HOXD1: variants seen among roughly 807,000 people sequenced by gnomAD.
The protein encoded by HOXD1 is homeobox D1, also known as homeobox protein Hox-D1.
Under a neutral mutation model 19.9 loss-of-function variants are expected in HOXD1, and 17 were observed. That is an observed-to-expected ratio of 0.85 (90% CI 0.58 to 1.28). HOXD1 has a LOEUF of 1.28. HOXD1 is among the 50% of genes most tolerant of loss of function. The pLI is 0.00. For synonymous variants in HOXD1, 239 were observed against 216.0 expected, an observed-to-expected ratio of 1.11 and a Z score of -0.93; for missense variants, 500 against 460.1, an observed-to-expected ratio of 1.09 and a Z score of -0.79.
At position 176,188,723 on chromosome 2, in the gene HOXD1, G is replaced by T; in HGVS notation, c.-79G>T. 4 of 1,440,830 alleles carry T rather than the reference G, an allele frequency of 2.8e-6. No homozygotes were observed. Among genetic ancestry groups the T allele is most frequent in the Non-Finnish European group, 3.8e-6 (4 of 1,046,608 alleles). 89.3% of individuals were successfully genotyped at this position (1,440,830 alleles called of 1,614,324 possible). A position where few individuals can be genotyped will look rare whatever the true frequency, so the allele number is the denominator to read the frequency against. On this transcript the variant is annotated 5_prime_UTR_variant, in exon 1 of 2. Transcript: ENST00000331462. ...AGAGGGCTGGCGGAGCGGCGCAGAC[G>T]GCGGCAGTCCTGCTCAGCCTCTGCC...
rs760260197 is a variant in HOXD1 at position 176,189,136 on chromosome 2, G to C, written c.335G>C (p.Gly112Ala). 3 of 1,576,710 alleles carry C rather than the reference G, an allele frequency of 1.9e-6. No individual in the cohort carries two copies. Among genetic ancestry groups the C allele is most frequent in the East Asian group, 2.3e-5 (1 of 43,872 alleles). The change falls in exon 1 of 2, where the codon GGG becomes GCG. Residue 112 changes from glycine (G) to alanine (A), a missense_variant. Gly to Ala is a moderately conservative substitution (Grantham distance 60). Coordinates refer to ENST00000331462, the MANE Select transcript of HOXD1 (RefSeq NM_024501.3). ...GCGGACTACGGCTTCCTGGGGTCCG[G>C]GCCGGCGTACGACTTCCCGGGCGTG... The part of the protein sequence containing the change: ...GGADYGFLGS[G>A]PAYDFPGVLG...
Position 176,189,037 on chromosome 2 carries a change from C to T in HOXD1, c.236C>T (p.Ala79Val), listed in dbSNP as rs1391080202. The change falls in exon 1 of 2, where the codon GCG (alanine) becomes GTG (valine). Residue 79 changes from alanine to valine, a missense_variant. Coordinates refer to ENST00000331462, the MANE Select transcript of HOXD1 (RefSeq NM_024501.3). ...CGGCCGTCCGTACCGCCTCCGGCCG[C>T]GCCCCAGTACGCGCAGTGCACCCTG... ...PARPSVPPPA[A>V]PQYAQCTLEG... The T allele has an allele frequency of 9.9e-6, 14 of 1,413,178 alleles. No homozygotes were observed. The highest frequency in any genetic ancestry group is 4.6e-5 in the African/African-American group (3 of 65,848). The allele number at this position is 1,413,178 out of a possible 1,614,324, so 87.5% of individuals were successfully genotyped here.
At position 176,189,895 on chromosome 2, in the gene HOXD1, A is replaced by T. The variant is rs772659745; in HGVS notation, c.740A>T (p.Glu247Val). 6.2e-7 allele frequency: 1 copy of T among 1,614,164 alleles called. No homozygotes were observed. Among genetic ancestry groups the T allele is most frequent in the Non-Finnish European group, 8.5e-7 (1 of 1,180,026 alleles). ...AAGCAACTGACAGAACTGGAAAAAG[A>T]GTTTCATTTCAATAAGTACTTAACT... Reference protein sequence around the residue: ...STKQLTELEKEFHFNKYLTRA... With the variant: ...STKQLTELEKVFHFNKYLTRA... The change falls in exon 2 of 2, where the codon GAG becomes GTG. Residue 247 changes from glutamate to valine, a missense_variant. Glu to Val is a moderately radical substitution (Grantham distance 121). Transcript: ENST00000331462.
chr2:176,189,132 T>G lies in HOXD1; in HGVS notation c.331T>G (p.Ser111Ala). 6 of 1,571,020 alleles carry G rather than the reference T, an allele frequency of 3.8e-6. No homozygotes were observed. The highest frequency in any genetic ancestry group is 5.2e-6 in the Non-Finnish European group (6 of 1,164,262). ...AGGADYGFLG[S>A]GPAYDFPGVL... ...GGGCGCGGACTACGGCTTCCTGGGG[T>G]CCGGGCCGGCGTACGACTTCCCGGG... Residue 111 changes from serine to alanine, a missense_variant, in exon 1 of 2, where the codon TCC (serine) becomes GCC (alanine). Ser to Ala is a moderately conservative substitution (Grantham distance 99). Transcript: ENST00000331462.
rs768277968 is a variant in HOXD1 at position 176,190,552 on chromosome 2, T to C, written c.*410T>C. On this transcript the variant is annotated 3_prime_UTR_variant, in exon 2 of 2. Coordinates refer to ENST00000331462, the MANE Select transcript of HOXD1 (RefSeq NM_024501.3). Reference sequence around the variant, plus strand: ...TTTTAATTTAAAGGACAAGGCTACATATATTCAGCTTTTTGAGATGACCAA... The same window carrying C: ...TTTTAATTTAAAGGACAAGGCTACACATATTCAGCTTTTTGAGATGACCAA... The C allele has an allele frequency of 1.3e-3, 218 of 167,636 alleles. No individual in the cohort carries two copies. The highest frequency in any genetic ancestry group is 2.3e-3 in the Non-Finnish European group (179 of 78,536). The allele number at this position is 167,636 out of a possible 1,614,324, so 10.4% of individuals were successfully genotyped here. A position where few individuals can be genotyped will look rare whatever the true frequency, so the allele number is the denominator to read the frequency against.
rs888059844 is a variant in HOXD1, at chr2:176,190,303, A to G, written c.*161A>G. On this transcript the variant is annotated 3_prime_UTR_variant, in exon 2 of 2. Transcript: ENST00000331462. The stretch of plus-strand genomic sequence containing the variant: ...GTACTTTAGTTGGCTTCCGAGTTCC[A>G]GACTATATGTCCAGATATTAATTGA... 7.6e-5 allele frequency: 46 copies of G among 606,192 alleles called. No individual in the cohort carries two copies. Among genetic ancestry groups the G allele is most frequent in the Admixed American group, 3.3e-4 (11 of 33,422 alleles). 37.6% of individuals were successfully genotyped at this position (606,192 alleles called of 1,614,324 possible).
rs1378383855 is a variant in HOXD1, at chr2:176,188,991, TCGCCCCCGGC to T, written c.199_208del (p.Ala67ArgfsTer139). ...CCTGGCCGCCGCCCGACCCTCGCCT[TCGCCCCCGGC>T]CGCCCCCGCGCGGCCGTCCGTACCG... On this transcript the variant is annotated frameshift_variant, in exon 1 of 2. Coordinates refer to ENST00000331462, the MANE Select transcript of HOXD1 (RefSeq NM_024501.3). LOFTEE classifies it high-confidence loss of function. The T allele has an allele frequency of 6.9e-7, 1 of 1,449,976 alleles. No individual in the cohort carries two copies. The highest frequency in any genetic ancestry group is 1.4e-5 in the South Asian group (1 of 71,224). 89.8% of individuals were successfully genotyped at this position (1,449,976 alleles called of 1,614,324 possible).
Position 176,189,223 on chromosome 2 carries a change from C to T in HOXD1, c.422C>T (p.Ser141Leu), listed in dbSNP as rs1298677886. The change falls in exon 1 of 2, where the codon TCG (serine) becomes TTG (leucine). Residue 141 changes from serine to leucine, a missense_variant. Physicochemically the swap from Ser to Leu is moderately radical, Grantham distance 145. Transcript: ENST00000331462. ...HVHYATSAVF[S>L]GGGSFLLSGQ... Reference sequence around the variant, plus strand: ...CACTACGCCACCTCGGCCGTCTTCTCGGGCGGCGGCTCTTTCCTCCTCAGC... The same window carrying T: ...CACTACGCCACCTCGGCCGTCTTCTTGGGCGGCGGCTCTTTCCTCCTCAGC... The T allele has an allele frequency of 1.5e-5, 24 of 1,589,532 alleles. No homozygotes were observed. Among genetic ancestry groups the T allele is most frequent in the South Asian group, 2.3e-5 (2 of 87,470 alleles).
At position 176,188,776 on chromosome 2, in the gene HOXD1, G is replaced by C; in HGVS notation, c.-26G>C. The C allele has an allele frequency of 6.2e-7, 1 of 1,602,532 alleles. No homozygotes were observed. The highest frequency in any genetic ancestry group is 1.1e-5 in the South Asian group (1 of 89,408). On this transcript the variant is annotated 5_prime_UTR_variant, in exon 1 of 2. Coordinates refer to ENST00000331462, the MANE Select transcript of HOXD1 (RefSeq NM_024501.3). ...GCTCCGTACTCCGGCCCCGGCCTGCGCCCTCAGAAAGGTGGGGCCCGAACC... is the reference window on the plus strand; with the variant it reads ...GCTCCGTACTCCGGCCCCGGCCTGCCCCCTCAGAAAGGTGGGGCCCGAACC...
rs1051585159 is a variant in HOXD1 at position 176,190,823 on chromosome 2, G to T, written c.*681G>T. On this transcript the variant is annotated 3_prime_UTR_variant, in exon 2 of 2. Transcript: ENST00000331462. ...ATACAGTATGTATATTTTTTAAAAAGATTTGCTTGCAATGACCTTATAAGT... is the reference window on the plus strand; with the variant it reads ...ATACAGTATGTATATTTTTTAAAAATATTTGCTTGCAATGACCTTATAAGT... 4 of 152,466 alleles carry T rather than the reference G, an allele frequency of 2.6e-5. No individual in the cohort carries two copies. Among genetic ancestry groups the T allele is most frequent in the African/African-American group, 9.7e-5 (4 of 41,402 alleles). 9.4% of individuals were successfully genotyped at this position (152,466 alleles called of 1,614,324 possible). A position where few individuals can be genotyped will look rare whatever the true frequency, so the allele number is the denominator to read the frequency against.
chr2:176,189,845 C>G lies in HOXD1; in HGVS notation c.690C>G (p.Ser230Arg), dbSNP rs1390988236. The part of the protein sequence containing the change: ...LAEYGAASPS[S>R]AIRTNFSTKQ... ...AGTATGGGGCCGCTAGCCCCTCCAG[C>G]GCGATCCGCACGAATTTCAGCACCA... Residue 230 changes from serine to arginine, a missense_variant, in exon 2 of 2, where the codon AGC becomes AGG. Coordinates refer to ENST00000331462, the MANE Select transcript of HOXD1 (RefSeq NM_024501.3). 6.2e-7 allele frequency: 1 copy of G among 1,614,126 alleles called. No individual in the cohort carries two copies. Among genetic ancestry groups the G allele is most frequent in the Admixed American group, 1.7e-5 (1 of 60,026 alleles).
Position 176,189,286 on chromosome 2 carries a change from CT to C in HOXD1, c.489del (p.Pro164ArgfsTer45). 6.2e-7 allele frequency: 1 copy of C among 1,608,044 alleles called. No individual in the cohort carries two copies. Among genetic ancestry groups the C allele is most frequent in the South Asian group, 1.1e-5 (1 of 90,146 alleles). On this transcript the variant is annotated frameshift_variant, in exon 1 of 2. Coordinates refer to ENST00000331462, the MANE Select transcript of HOXD1 (RefSeq NM_024501.3). LOFTEE classifies it high-confidence loss of function. ...VDYAAFGEPG[P>X]FPACLKASAD... ...TACGCGGCCTTCGGCGAACCCGGCCCTTTTCCGGCTTGTCTCAAAGCGTCAG... is the reference window on the plus strand; with the variant it reads ...TACGCGGCCTTCGGCGAACCCGGCCCTTTCCGGCTTGTCTCAAAGCGTCAG...
chr2:176,189,699 A>G (rs1451974023), intron 1 of HOXD1, 109 bp from the exon 2 acceptor site: 1 of 1,609,788 alleles, frequency 6.2e-7, no homozygotes, highest in Non-Finnish European at 8.5e-7. Context: ...TTCTGTTCCT[A>G]GGGACCCAGG....
At position 176,190,244 on chromosome 2, in the gene HOXD1, C is replaced by G. The variant is rs1167179731; in HGVS notation, c.*102C>G. The G allele has an allele frequency of 1.3e-6, 1 of 746,610 alleles. No individual in the cohort carries two copies. The highest frequency in any genetic ancestry group is 2.6e-5 in the Admixed American group (1 of 39,066). The allele number at this position is 746,610 out of a possible 1,614,324, so 46.2% of individuals were successfully genotyped here. On this transcript the variant is annotated 3_prime_UTR_variant, in exon 2 of 2. Coordinates refer to ENST00000331462, the MANE Select transcript of HOXD1 (RefSeq NM_024501.3). ...TCAGTTTGGGATGGAGGTGGGAGAA[C>G]AAAAATGAATAGGGATTTCACTTGG...
chr2:176,189,538 T>A (rs1056045777), intron 1 of HOXD1, 85 bp downstream of exon 1: 3 of 1,607,000 alleles, frequency 1.9e-6, no homozygotes, highest in Non-Finnish European at 2.5e-6. Flanking sequence ...GTGGTGTCGC[T>A]GCCTTTCCAG....
At position 176,189,143 on chromosome 2, in the gene HOXD1, G is replaced by T; in HGVS notation, c.342G>T (p.Ala114=). 1 of 1,584,846 alleles carries T rather than the reference G, an allele frequency of 6.3e-7. No homozygotes were observed. Residue 114 remains alanine, a synonymous_variant, in exon 1 of 2, where the codon GCG becomes GCT. Transcript: ENST00000331462. ...ACGGCTTCCTGGGGTCCGGGCCGGC[G>T]TACGACTTCCCGGGCGTGCTGGGGC... ...ADYGFLGSGP[A]YDFPGVLGRA... is the part of the protein sequence containing the mutation.
rs1437580125 is a variant in HOXD1 at position 176,188,907 on chromosome 2, G to A, written c.106G>A (p.Ala36Thr). 1.9e-6 allele frequency: 3 copies of A among 1,588,990 alleles called. No individual in the cohort carries two copies. Among genetic ancestry groups the A allele is most frequent in the South Asian group, 1.1e-5 (1 of 88,886 alleles). ...CTGCCGCTCCGACGCCCGGCCCGTG[G>A]CTCTGCAGCCCGCCTTCCCTCTGGG... ...KFCRSDARPV[A>T]LQPAFPLGNG... The change falls in exon 1 of 2, where the codon GCT becomes ACT. Residue 36 changes from alanine (A) to threonine (T), a missense_variant. Ala to Thr is a moderately conservative substitution (Grantham distance 58). Coordinates refer to ENST00000331462, the MANE Select transcript of HOXD1 (RefSeq NM_024501.3).
In HOXD1 at chr2:176,188,846, G is replaced by C. The variant is rs1691722458; in HGVS notation, c.45G>C (p.Gly15=). ...ACGTGTCATGCAGCAGCAGCGGCGG[G>C]GTCGGCGGCGACGTGCTCAGCTTGG... The part of the protein sequence containing the change: ...LEYVSCSSSG[G]VGGDVLSLAP... The change falls in exon 1 of 2, where the codon GGG becomes GGC. Residue 15 remains glycine, a synonymous_variant. Transcript: ENST00000331462. 3.7e-6 allele frequency: 6 copies of C among 1,606,124 alleles called. No homozygotes were observed. In the South Asian group the frequency reaches 6.6e-5, roughly 18 times the overall value.
At position 176,189,294 on chromosome 2, in the gene HOXD1, G is replaced by T; in HGVS notation, c.493G>T (p.Ala165Ser). ...AAFGEPGPFP[A>S]CLKASADGHP... ...CTTCGGCGAACCCGGCCCTTTTCCGGCTTGTCTCAAAGCGTCAGCCGACGG... is the reference window on the plus strand; with the variant it reads ...CTTCGGCGAACCCGGCCCTTTTCCGTCTTGTCTCAAAGCGTCAGCCGACGG... Residue 165 changes from alanine to serine, a missense_variant, in exon 1 of 2, where the codon GCT becomes TCT. Physicochemically the swap from Ala to Ser is moderately conservative, Grantham distance 99 (BLOSUM62 1). Transcript: ENST00000331462. 2 of 1,609,234 alleles carry T rather than the reference G, an allele frequency of 1.2e-6. No homozygotes were observed. Among genetic ancestry groups the T allele is most frequent in the Non-Finnish European group, 1.7e-6 (2 of 1,178,436 alleles).
Sources: allele counts gnomAD v4.1 joint callset, GRCh38; gene constraint gnomAD v4.1.1; transcripts MANE v1.5; gene names NCBI Gene and HGNC (gene_info 2026-07-23, HGNC 2026-07-21).